The following NRG3 variants were observed in gnomAD, a reference collection of about 807,000 sequenced individuals.
The protein encoded by NRG3 is neuregulin 3.
NRG3 carries 31 observed loss-of-function variants against 66.9 expected under a neutral mutation model. The observed-to-expected ratio is 0.46, with a 90% CI of 0.35 to 0.63. The LOEUF (loss-of-function observed/expected upper bound fraction) is 0.63, where lower values mean the gene tolerates loss of function less well. Ranked by LOEUF, NRG3 falls within the 20% of genes least tolerant of loss-of-function variation. The probability of loss-of-function intolerance (pLI) is 0.00; values close to 1 mark genes in which losing one functional copy is unlikely to be tolerated. For synonymous variants in NRG3, 393 were observed against 359.4 expected (o/e 1.09, Z -1.06); for missense variants, 910 against 878.9 (o/e 1.04, Z -0.45).
At chr10:82,962,191 T>C (rs941977704) in intron 6 of NRG3, among the ~76,000 whole-genome samples, 17 of 152,266 alleles carry the variant, frequency 1.1e-4, no homozygotes, top group Non-Finnish European at 1.9e-4. Flanking sequence ...ACCATTGTTT[T>C]AAAAACAAAT....
intron 1 of NRG3, among the ~76,000 whole-genome samples, chr10:82,018,655 C>T (rs2061906624): frequency 6.6e-6 from 1 of 152,130 alleles, no homozygotes. Flanking sequence ...CTTCACATCC[C>T]TTGTAAGTTG....
chr10:82,945,129 G>T (rs577927741), intron 4 of NRG3, among the ~76,000 whole-genome samples: 2 of 152,268 alleles, frequency 1.3e-5, no homozygotes, highest in South Asian at 4.1e-4. Context: ...CCCTCAGCTT[G>T]CTTTTCTGTC....
chr10:82,883,461 A>T (rs1842467598), intron 4 of NRG3, among the ~76,000 whole-genome samples: 2 of 152,090 alleles, frequency 1.3e-5, no homozygotes, highest in South Asian at 4.1e-4. Flanking sequence ...TAATTACTAG[A>T]ATTTGGGTAC....
intron 1 of NRG3, among the ~76,000 whole-genome samples, chr10:82,155,502 T>A (rs369461749): frequency 6.6e-6 from 1 of 151,764 alleles, no homozygotes; most frequent in Admixed American, 6.6e-5. Flanking sequence ...GCACTATCCA[T>A]TGGGCCCCAG....
chr10:82,833,392 C>T (rs758217693), intron 3 of NRG3, among the ~76,000 whole-genome samples: 117 of 152,118 alleles, frequency 7.7e-4, no homozygotes, highest in East Asian at 7.7e-4. Context: ...TTCCCGAGTG[C>T]GGTACTGTTT....
chr10:82,660,786 C>T (rs965419060), intron 2 of NRG3, among the ~76,000 whole-genome samples: 2 of 151,982 alleles, frequency 1.3e-5, no homozygotes, highest in South Asian at 2.1e-4. Flanking sequence ...ATTTTGCTTA[C>T]GGTTCACTTC....
intron 3 of NRG3, among the ~76,000 whole-genome samples, chr10:82,745,169 A>G (rs1316561069): frequency 1.3e-5 from 2 of 152,182 alleles, no homozygotes; most frequent in Non-Finnish European, 2.9e-5. Context: ...GGATTTCTCT[A>G]GGAGAGAAGA....
chr10:82,538,702 G>GAA (rs113244184), intron 2 of NRG3, among the ~76,000 whole-genome samples: 37 of 147,938 alleles, frequency 2.5e-4, no homozygotes, highest in African/African-American at 8.7e-4. Flanking sequence ...TTTTTCACCA[G>GAA]AAAAAAAAAA....
intron 1 of NRG3, among the ~76,000 whole-genome samples, chr10:81,986,918 G>C (rs2060542212): frequency 6.6e-6 from 1 of 152,064 alleles, no homozygotes; most frequent in Non-Finnish European, 1.5e-5. Flanking sequence ...CTGAACTTAA[G>C]TAATCCTCCC....
At chr10:82,474,776 A>T (rs1169664635) in intron 2 of NRG3, among the ~76,000 whole-genome samples, 1 of 152,142 alleles carries the variant, frequency 6.6e-6, no homozygotes, top group Non-Finnish European at 1.5e-5. Flanking sequence ...AGCTCAGTGA[A>T]CTCCAAATAG....
At chr10:82,307,695 A>C (rs879668182) in intron 1 of NRG3, among the ~76,000 whole-genome samples, 13 of 152,022 alleles carry the variant, frequency 8.6e-5, no homozygotes, top group Non-Finnish European at 1.6e-4. Flanking sequence ...AATATTTATT[A>C]GGTTGGTGCA....
chr10:82,900,234 C>A (rs539092419), intron 4 of NRG3, among the ~76,000 whole-genome samples: 5 of 152,286 alleles, frequency 3.3e-5, no homozygotes, highest in African/African-American at 9.6e-5. Flanking sequence ...CACCTCCCAC[C>A]AAGCCCCACC....
chr10:82,241,639 C>T (rs1589439588), intron 1 of NRG3, among the ~76,000 whole-genome samples: 1 of 151,966 alleles, frequency 6.6e-6, no homozygotes. Context: ...AAATAATTGG[C>T]CTTTATTTAC....
chr10:82,385,582 G>A (rs760808207), intron 2 of NRG3, among the ~76,000 whole-genome samples: 14 of 152,134 alleles, frequency 9.2e-5, no homozygotes, highest in Middle Eastern at 3.4e-3. Context: ...TAGATTAAGC[G>A]TAATTAAAAA....
chr10:82,315,938 C>T (rs1297342628), intron 1 of NRG3, among the ~76,000 whole-genome samples: 2 of 152,164 alleles, frequency 1.3e-5, no homozygotes, highest in Non-Finnish European at 2.9e-5. Flanking sequence ...GGAGCCACTG[C>T]GCCCGGCCCA....
At position 82,328,756 on chromosome 10, in the gene NRG3, T is replaced by C. The variant is rs1288313634; in HGVS notation, c.824-29983T>C. The stretch of plus-strand genomic sequence containing the variant: ...GGCACATCTTCACTCAATAAAACCA[T>C]TTAAATAAATGATTGAGCAAAGAAC... On this transcript the variant is annotated intron_variant, in intron 1 of 8. Coordinates refer to ENST00000372141, the MANE Select transcript of NRG3 (RefSeq NM_001010848.4). 2.6e-5 allele frequency among the ~76,000 whole-genome samples: 4 copies of C among 152,264 alleles called. No homozygotes were observed. In the East Asian group the frequency reaches 7.7e-4, roughly 29 times the overall value.
At chr10:82,541,653 C>T (rs2043549877) in intron 2 of NRG3, among the ~76,000 whole-genome samples, 1 of 152,182 alleles carries the variant, frequency 6.6e-6, no homozygotes, top group Admixed American at 6.5e-5. Flanking sequence ...CTACCAGACC[C>T]AGGGAGTGGC....
At chr10:82,870,583 G>T (rs1443822416) in intron 4 of NRG3, among the ~76,000 whole-genome samples, 2 of 152,086 alleles carry the variant, frequency 1.3e-5, no homozygotes, top group Non-Finnish European at 2.9e-5. Context: ...GCTCCACATG[G>T]TCTCCATCAT....
intron 2 of NRG3, among the ~76,000 whole-genome samples, chr10:82,388,222 A>G (rs1015112665): frequency 6.6e-6 from 1 of 152,212 alleles, no homozygotes; most frequent in Non-Finnish European, 1.5e-5. Flanking sequence ...GGATATAATA[A>G]TGTGCTGTAA....
Sources: gnomAD v4.1 joint callset for allele counts (sites outside exome capture counted in the v4.1 genomes callset) on GRCh38, gnomAD v4.1.1 for gene constraint, MANE v1.5 for transcripts, NCBI Gene and HGNC (gene_info 2026-07-23, HGNC 2026-07-21) for gene names.